Variants in ZNF33B observed in about 807,000 individuals in gnomAD.
ZNF33B encodes zinc finger protein 11b (KOX 2).
Under a neutral mutation model 45.8 loss-of-function variants are expected in ZNF33B, and 29 were observed. That is an observed-to-expected ratio of 0.63 (90% CI 0.47 to 0.86). ZNF33B has a LOEUF of 0.86. Among genes scored for constraint, ZNF33B ranks in the 40% least tolerant of loss-of-function variants. The pLI is 0.00. For synonymous variants in ZNF33B, 305 were observed against 307.8 expected (o/e 0.99, Z 0.10); for missense variants, 831 against 909.9 (o/e 0.91, Z 1.12).
intron 4 of ZNF33B, among the ~76,000 whole-genome samples, chr10:42,602,118 G>A (rs1384848327): frequency 4.0e-5 from 6 of 151,540 alleles, no homozygotes; most frequent in Admixed American, 1.3e-4. Flanking sequence ...GTACAGATGA[G>A]GTTTCATCAT....
chr10:42,612,092 T>A lies in ZNF33B; in HGVS notation c.251-17393A>T, dbSNP rs368953254. On this transcript the variant is annotated intron_variant, in intron 4 of 4. Transcript: ENST00000359467. Reference sequence around the variant, plus strand: ...AGTAGGTTTCCTGCAGATTTTTTTTTTTTATCAAGTTGAGGAAGTTCTTCT... The same window carrying A: ...AGTAGGTTTCCTGCAGATTTTTTTTATTTATCAAGTTGAGGAAGTTCTTCT... Among the ~76,000 whole-genome samples, 35 of 152,256 alleles carry A rather than the reference T, an allele frequency of 2.3e-4. 1 individual carries two copies. The highest frequency in any genetic ancestry group is 8.4e-4 in the African/African-American group (35 of 41,562).
At chr10:42,598,100 T>C (rs1307430149) in intron 4 of ZNF33B, among the ~76,000 whole-genome samples, 4 of 152,260 alleles carry the variant, frequency 2.6e-5, no homozygotes, top group African/African-American at 9.6e-5. Flanking sequence ...CCTGTGGATA[T>C]TTGCTTTGCA....
Position 42,593,559 on chromosome 10 carries a change from G to A in ZNF33B, c.1391C>T (p.Thr464Ile). ...SHLTVHQRTH[T>I]GEKPFECLEC... ...AAGACATTCAAAAGGTTTCTCACCT[G>A]TGTGAGTTCTCTGGTGTACTGTAAG... The change falls in exon 5 of 5, where the codon ACA (threonine) becomes ATA (isoleucine). Residue 464 changes from threonine (T) to isoleucine (I), a missense_variant. Thr to Ile is a moderately conservative substitution (Grantham distance 89, BLOSUM62 -1). Coordinates refer to ENST00000359467, the MANE Select transcript of ZNF33B (RefSeq NM_006955.3). 1.2e-6 allele frequency: 2 copies of A among 1,614,032 alleles called. No individual in the cohort carries two copies. Among genetic ancestry groups the A allele is most frequent in the South Asian group, 1.1e-5 (1 of 91,080 alleles).
chr10:42,635,399 C>T (rs1209200913), intron 2 of ZNF33B, among the ~76,000 whole-genome samples: 1 of 151,996 alleles, frequency 6.6e-6, no homozygotes, highest in African/African-American at 2.4e-5. Flanking sequence ...AAGACGGCAG[C>T]TGCAGGAGGG....
chr10:42,617,299 T>C (rs1838368926), intron 4 of ZNF33B, among the ~76,000 whole-genome samples: 2 of 151,742 alleles, frequency 1.3e-5, no homozygotes, highest in Non-Finnish European at 2.9e-5. Flanking sequence ...AGATGGGGTT[T>C]CACCATGTTG....
At chr10:42,575,087 C>A (rs1316986533) in intron 1 of ZNF33B, among the ~76,000 whole-genome samples, 2 of 152,068 alleles carry the variant, frequency 1.3e-5, no homozygotes, top group African/African-American at 2.4e-5. Flanking sequence ...ACCAGGAAAG[C>A]AAAATTTCTG....
chr10:42,637,417 T>C (rs1839359907), intron 1 of ZNF33B, among the ~76,000 whole-genome samples: 1 of 152,208 alleles, frequency 6.6e-6, no homozygotes, highest in Non-Finnish European at 1.5e-5. Context: ...CGTCAGTGCT[T>C]CAAAGAAAAA....
At chr10:42,619,972 T>C (rs1838497784) in intron 4 of ZNF33B, among the ~76,000 whole-genome samples, 2 of 151,934 alleles carry the variant, frequency 1.3e-5, no homozygotes, top group South Asian at 2.1e-4. Flanking sequence ...CTCAAGCACT[T>C]TGGGAGGCCG....
At chr10:42,637,506 A>C (rs1839366843) in intron 1 of ZNF33B, among the ~76,000 whole-genome samples, 1 of 152,212 alleles carries the variant, frequency 6.6e-6, no homozygotes, top group Non-Finnish European at 1.5e-5. Flanking sequence ...GTGTGTAGAA[A>C]AGTAGTACTG....
Position 42,580,891 on chromosome 10 carries a change from CAATA to C in ZNF33B, c.74-6217_74-6214del, listed in dbSNP as rs531911819. 1.7e-3 allele frequency among the ~76,000 whole-genome samples: 263 copies of C among 151,160 alleles called. 1 individual carries two copies. Among genetic ancestry groups the C allele is most frequent in the Middle Eastern group, 3.4e-3 (1 of 294 alleles). On this transcript the variant is annotated intron_variant, in intron 1 of 1. Transcript: ENST00000462075. ...CCTGGGTAACAGAGCGAGACTGTCT[CAATA>C]AATAAATAAATAAATAAATAATAAA...
At chr10:42,577,689 T>A (rs1479984172) in intron 1 of ZNF33B, among the ~76,000 whole-genome samples, 1 of 152,200 alleles carries the variant, frequency 6.6e-6, no homozygotes, top group East Asian at 1.9e-4. Context: ...TGTGCTGATC[T>A]CCTGAGCAAC....
chr10:42,591,490 G>T lies in ZNF33B; in HGVS notation c.*1123C>A, dbSNP rs1168841702. The T allele has an allele frequency of 7.1e-6, 2 of 282,966 alleles. No homozygotes were observed. Among genetic ancestry groups the T allele is most frequent in the Non-Finnish European group, 5.3e-6 (1 of 188,106 alleles). The allele number at this position is 282,966 out of a possible 1,614,324, so 17.5% of individuals were successfully genotyped here. A position where few individuals can be genotyped will look rare whatever the true frequency, so the allele number is the denominator to read the frequency against. ...TAAATGGATAAACATTAGCTCTGTG[G>T]GTCTCTATTTAAATTGTTTCAGGAC... On this transcript the variant is annotated 3_prime_UTR_variant, in exon 5 of 5. Transcript: ENST00000359467.
intron 2 of ZNF33B, among the ~76,000 whole-genome samples, chr10:42,636,178 TGATCAAACAGTA>T: frequency 6.6e-6 from 1 of 152,146 alleles, no homozygotes; most frequent in African/African-American, 2.4e-5. Context: ...TTTAACTTAC[TGATCAAACAGTA>T]CATCCAAAAG....
In ZNF33B at chr10:42,619,145, T is replaced by C. The variant is rs1838462392; in HGVS notation, c.250+12784A>G. Among the ~76,000 whole-genome samples, 3 of 150,652 alleles carry C rather than the reference T, an allele frequency of 2.0e-5. No individual in the cohort carries two copies. The South Asian group carries it at 6.2e-4, about 31-fold the overall frequency. On this transcript the variant is annotated intron_variant, in intron 4 of 4. Transcript: ENST00000359467. ...GAAACACCAAAAAAAAAAAAAGAAC[T>C]ATAAAAACCAACCTTGTTAGAACTC...
intron 2 of ZNF33B, chr10:42,636,696 TG>T (rs1323873697): frequency 1.7e-6 from 1 of 586,534 alleles, no homozygotes; most frequent in Non-Finnish European, 3.0e-6. Context: ...GGCCTGCGCC[TG>T]TAGTCCCAGC....
intron 4 of ZNF33B, among the ~76,000 whole-genome samples, chr10:42,608,929 T>C (rs1399140375): frequency 6.7e-6 from 1 of 148,652 alleles, no homozygotes; most frequent in Non-Finnish European, 1.5e-5. Flanking sequence ...GGATTAACGA[T>C]GTATTACTAG....
intron 4 of ZNF33B, among the ~76,000 whole-genome samples, chr10:42,597,254 G>A (rs1837436581): frequency 6.6e-6 from 1 of 151,984 alleles, no homozygotes; most frequent in Admixed American, 6.6e-5. Context: ...AAATAAAAAT[G>A]TGAGGTCAGT....
At chr10:42,606,389 C>A (rs1251723159) in intron 4 of ZNF33B, among the ~76,000 whole-genome samples, 1 of 152,034 alleles carries the variant, frequency 6.6e-6, no homozygotes, top group Non-Finnish European at 1.5e-5. Context: ...CACTTGAACC[C>A]AGGAGACAGG....
At chr10:42,621,278 G>C (rs1301961620) in intron 4 of ZNF33B, among the ~76,000 whole-genome samples, 1 of 151,944 alleles carries the variant, frequency 6.6e-6, no homozygotes, top group Non-Finnish European at 1.5e-5. Flanking sequence ...GCTACAGTGA[G>C]CCATAATTGT....
Sources: allele counts gnomAD v4.1 joint callset (sites outside exome capture counted in the v4.1 genomes callset), GRCh38; gene constraint gnomAD v4.1.1; transcripts MANE v1.5; gene names NCBI Gene and HGNC (gene_info 2026-07-23, HGNC 2026-07-21).